The following CPQ variants were observed in gnomAD, a reference collection of about 807,000 sequenced individuals.
CPQ encodes Ser-Met dipeptidase.
CPQ carries 37 observed loss-of-function variants against 45.7 expected under a neutral mutation model. The ratio of observed to expected loss-of-function variants is 0.81; its 90% CI spans 0.62 to 1.07. The LOEUF is 1.07. Among genes scored for constraint, CPQ ranks in the 50% least tolerant of loss-of-function variants. The probability of loss-of-function intolerance (pLI) is 0.00; values close to 1 mark genes in which losing one functional copy is unlikely to be tolerated. For missense variants in CPQ, 537 were observed against 572.9 expected (o/e 0.94, Z 0.64); for synonymous variants, 186 against 205.8 (o/e 0.90, Z 0.82).
In CPQ at chr8:96,806,904, G is replaced by A. The variant is rs563845694; in HGVS notation, c.433+21574G>A. Among the ~76,000 whole-genome samples the A allele has an allele frequency of 3.9e-5, 6 of 152,254 alleles. No homozygotes were observed. The South Asian group carries it at 1.2e-3, about 32-fold the overall frequency. ...AGGGGGTGGATACCACGTTTTCCATGATGTGATTATTATACATTGCATGCC... is the reference window on the plus strand; with the variant it reads ...AGGGGGTGGATACCACGTTTTCCATAATGTGATTATTATACATTGCATGCC... On this transcript the variant is annotated intron_variant, in intron 2 of 7. Coordinates refer to ENST00000220763, the MANE Select transcript of CPQ (RefSeq NM_016134.4).
intron 4 of CPQ, among the ~76,000 whole-genome samples, chr8:96,963,221 A>C (rs1027448057): frequency 1.3e-5 from 2 of 152,238 alleles, no homozygotes; most frequent in African/African-American, 2.4e-5. Context: ...ACATTTTTAC[A>C]CTTTTAATCC....
At chr8:97,123,986 G>A (rs185853517) in intron 7 of CPQ, among the ~76,000 whole-genome samples, 9 of 151,876 alleles carry the variant, frequency 5.9e-5, no homozygotes, top group East Asian at 3.9e-4. Flanking sequence ...AAATTCACTC[G>A]CCGAGGTGGG....
intron 7 of CPQ, 34 bp downstream of exon 7, chr8:97,066,244 T>C: frequency 6.4e-7 from 1 of 1,572,658 alleles, no homozygotes; most frequent in Non-Finnish European, 8.6e-7. Context: ...GTTCCTTATA[T>C]ATTGCCAACA....
chr8:97,018,337 C>G (rs1026724807), intron 5 of CPQ, among the ~76,000 whole-genome samples: 1 of 152,114 alleles, frequency 6.6e-6, no homozygotes, highest in East Asian at 1.9e-4. Context: ...TCTTTAACAT[C>G]CCCCCAAAAA....
intron 1 of CPQ, among the ~76,000 whole-genome samples, chr8:96,758,153 T>G (rs1268694597): frequency 6.6e-6 from 1 of 152,218 alleles, no homozygotes; most frequent in East Asian, 1.9e-4. Context: ...ATTATTTTGC[T>G]AAGTTAAGAG....
intron 1 of CPQ, among the ~76,000 whole-genome samples, chr8:96,738,407 G>T (rs1005737481): frequency 1.4e-5 from 2 of 145,862 alleles, no homozygotes; most frequent in African/African-American, 2.5e-5. Context: ...TATGTAAATT[G>T]TTTTTTTTTC....
At chr8:96,983,844 C>A (rs1313129678) in intron 5 of CPQ, among the ~76,000 whole-genome samples, 4 of 135,196 alleles carry the variant, frequency 3.0e-5, no homozygotes, top group African/African-American at 1.1e-4. Context: ...TTTTTTTTTA[C>A]TATTCCTTTT....
chr8:97,013,707 C>A (rs1174348416), intron 5 of CPQ, among the ~76,000 whole-genome samples: 1 of 152,064 alleles, frequency 6.6e-6, no homozygotes, highest in Non-Finnish European at 1.5e-5. Context: ...GGAAATGAGG[C>A]TTTTGGAAAA....
chr8:96,971,813 A>T (rs1192121208), intron 5 of CPQ, among the ~76,000 whole-genome samples: 1 of 152,210 alleles, frequency 6.6e-6, no homozygotes, highest in Non-Finnish European at 1.5e-5. Flanking sequence ...CTTATCGATG[A>T]AAGTACCTAA....
chr8:96,883,540 A>G (rs1812258985), intron 4 of CPQ, among the ~76,000 whole-genome samples: 1 of 152,162 alleles, frequency 6.6e-6, no homozygotes, highest in Admixed American at 6.5e-5. Flanking sequence ...ACTTTCACAG[A>G]AAAAAATGAA....
intron 7 of CPQ, among the ~76,000 whole-genome samples, chr8:97,124,474 A>G (rs1811812110): frequency 1.3e-5 from 2 of 152,150 alleles, no homozygotes; most frequent in Non-Finnish European, 2.9e-5. Flanking sequence ...AGCAGGGTGT[A>G]CATTCTTTTT....
chr8:96,989,441 GGGAGGGGAGGGGACAGGAGCAGAGC>G (rs1809050475), intron 5 of CPQ, among the ~76,000 whole-genome samples: 1 of 141,380 alleles, frequency 7.1e-6, no homozygotes, highest in East Asian at 2.2e-4. Flanking sequence ...GGAAGGGGAG[GGGAGGGGAGGGGACAGGAGCAGAGC>G]GGAGGGGAGG....
intron 5 of CPQ, among the ~76,000 whole-genome samples, chr8:96,999,927 A>G (rs1243977787): frequency 1.3e-5 from 2 of 150,646 alleles, no homozygotes; most frequent in Admixed American, 1.3e-4. Context: ...AATAACAGAC[A>G]TTCTGACTGG....
In CPQ at chr8:96,693,056, G is replaced by A. The variant is rs183611460; in HGVS notation, c.-35+47654G>A. On this transcript the variant is annotated intron_variant, in intron 1 of 7. Transcript: ENST00000220763. ...AAAGGCAATTGACACTCTGAAGAAT[G>A]CATTAGAGTATCTTAACAGCAAGAA... 1.9e-3 allele frequency among the ~76,000 whole-genome samples: 287 copies of A among 152,142 alleles called. 5 individuals carry two copies. The highest frequency in any genetic ancestry group is 0.013 in the Admixed American group (191 of 15,272).
chr8:96,904,797 A>G (rs1812555363), intron 4 of CPQ, among the ~76,000 whole-genome samples: 1 of 152,154 alleles, frequency 6.6e-6, no homozygotes, highest in African/African-American at 2.4e-5. Flanking sequence ...GCACAACTCC[A>G]AGGGGTGCCA....
intron 7 of CPQ, among the ~76,000 whole-genome samples, chr8:97,116,364 C>T (rs1303980699): frequency 6.6e-6 from 1 of 152,154 alleles, no homozygotes; most frequent in Non-Finnish European, 1.5e-5. Context: ...CATGGTTGGC[C>T]AGCCTGTAAT....
rs1563586919 is a variant in CPQ, at chr8:97,122,977, A to AAATT, written c.1256-20041_1256-20040insTTAA. 1.2e-3 allele frequency among the ~76,000 whole-genome samples: 63 copies of AAATT among 52,338 alleles called. 1 individual carries two copies. Among genetic ancestry groups the AAATT allele is most frequent in the Non-Finnish European group, 1.8e-3 (54 of 30,764 alleles). 34.3% of individuals were successfully genotyped at this position (52,338 alleles called of 152,430 possible). ...AAAATAAAATAAAATAAAATAAAAT[A>AAATT]AAATTAAAATAAAATAAAATAAAAT... On this transcript the variant is annotated intron_variant, in intron 7 of 7. Transcript: ENST00000220763.
chr8:96,759,161 C>A (rs929719904), intron 1 of CPQ, among the ~76,000 whole-genome samples: 1 of 152,164 alleles, frequency 6.6e-6, no homozygotes, highest in Non-Finnish European at 1.5e-5. Flanking sequence ...AATAAGTGTG[C>A]TGCCCCAGGG....
At chr8:96,952,780 TTCCATC>T (rs1813287326) in intron 4 of CPQ, among the ~76,000 whole-genome samples, 1 of 152,138 alleles carries the variant, frequency 6.6e-6, no homozygotes, top group Non-Finnish European at 1.5e-5. Context: ...TTGTGGAACT[TTCCATC>T]TGTAGAATCA....
Sources: gnomAD v4.1 joint callset for allele counts (sites outside exome capture counted in the v4.1 genomes callset) on GRCh38, gnomAD v4.1.1 for gene constraint, MANE v1.5 for transcripts, NCBI Gene and HGNC (gene_info 2026-07-23, HGNC 2026-07-21) for gene names.